Variants in SV2B observed in about 807,000 individuals in gnomAD.
SV2B encodes synaptic vesicle glycoprotein 2B.
SV2B carries 41 observed loss-of-function variants against 73.9 expected under a neutral mutation model. The observed-to-expected ratio is 0.56, with a 90% CI of 0.43 to 0.72. The LOEUF is 0.72. Among genes scored for constraint, SV2B ranks in the 30% least tolerant of loss-of-function variants. The pLI, the probability that SV2B is intolerant of heterozygous loss-of-function variation, is 0.00. For missense variants in SV2B, 764 were observed against 857.8 expected, an observed-to-expected ratio of 0.89 and a Z score of 1.37; for synonymous variants, 314 against 314.2, an observed-to-expected ratio of 1.00 and a Z score of 0.01.
rs1411197360 is a variant in SV2B at position 91,122,017 on chromosome 15, G to A, written c.-392+21654G>A. Among the ~76,000 whole-genome samples, 3 of 151,932 alleles carry A rather than the reference G, an allele frequency of 2.0e-5. No homozygotes were observed. The highest frequency in any genetic ancestry group is 4.8e-5 in the African/African-American group (2 of 41,358). ...TCTCGATCTCCTGACTTCATGATTC[G>A]CCTGCCTTGGCCTCCCAAAGTGCTG... is the stretch of plus-strand genomic sequence containing the variant. On this transcript the variant is annotated intron_variant, in intron 1 of 12. Transcript: ENST00000394232. This position sits in a 1 kb window ranked among gnomAD's most constrained non-coding sequence, Gnocchi z 4.3.
chr15:91,151,387 A>T (rs1232780835), intron 1 of SV2B, among the ~76,000 whole-genome samples: 3 of 152,244 alleles, frequency 2.0e-5, no homozygotes, highest in African/African-American at 7.2e-5. Flanking sequence ...TTTGAAAGAT[A>T]AAGAGTACCT....
intron 9 of SV2B, among the ~76,000 whole-genome samples, chr15:91,269,952 C>T (rs555278649): frequency 2.1e-4 from 32 of 152,150 alleles, no homozygotes; most frequent in Non-Finnish European, 4.3e-4. Flanking sequence ...AGTGACCACT[C>T]TAGGGATGGC....
chr15:91,221,898 C>A (rs2046232086), intron 1 of SV2B, among the ~76,000 whole-genome samples: 1 of 152,144 alleles, frequency 6.6e-6, no homozygotes, highest in Non-Finnish European at 1.5e-5. Flanking sequence ...AAATTTCAAA[C>A]CCTGAGCAGG....
chr15:91,209,767 A>C (rs1298146013), intron 1 of SV2B, among the ~76,000 whole-genome samples: 1 of 152,206 alleles, frequency 6.6e-6, no homozygotes, highest in Non-Finnish European at 1.5e-5. Context: ...GGTCTTTGAA[A>C]GAATTAAATG....
At chr15:91,205,754 A>G (rs945970383) in intron 1 of SV2B, among the ~76,000 whole-genome samples, 1 of 152,194 alleles carries the variant, frequency 6.6e-6, no homozygotes. Flanking sequence ...ATTGCTTAAC[A>G]TTTTATTGCA....
At chr15:91,131,973 CAAAT>C (rs1443429632) in intron 1 of SV2B, among the ~76,000 whole-genome samples, 2 of 152,058 alleles carry the variant, frequency 1.3e-5, no homozygotes, top group Non-Finnish European at 2.9e-5. Context: ...AAAAAACAAA[CAAAT>C]AAACAAACAA....
At position 91,301,456 on chromosome 15, in the gene SV2B, A is replaced by T. The variant is rs1278709201; in HGVS notation, c.*8904A>T. 2.0e-5 allele frequency: 3 copies of T among 152,206 alleles called. No individual in the cohort carries two copies. Among genetic ancestry groups the T allele is most frequent in the African/African-American group, 7.2e-5 (3 of 41,448 alleles). The allele number at this position is 152,206 out of a possible 1,614,324, so 9.4% of individuals were successfully genotyped here. A position where few individuals can be genotyped will look rare whatever the true frequency, so the allele number is the denominator to read the frequency against. Reference sequence around the variant, plus strand: ...TATATTAAAATAGTAGTAACAGTTGATCTGGTGATTGGTGAATACAGTTTA... The same window carrying T: ...TATATTAAAATAGTAGTAACAGTTGTTCTGGTGATTGGTGAATACAGTTTA... On this transcript the variant is annotated 3_prime_UTR_variant, in exon 13 of 13. Transcript: ENST00000394232. This position sits in a 1 kb window ranked among gnomAD's most constrained non-coding sequence, Gnocchi z 4.3.
At chr15:91,171,378 T>G (rs902190260) in intron 1 of SV2B, among the ~76,000 whole-genome samples, 7 of 152,232 alleles carry the variant, frequency 4.6e-5, no homozygotes, top group Non-Finnish European at 1.0e-4. Context: ...TAACTATTTC[T>G]GAGCACAAAG....
rs1259813727 is a variant in SV2B at position 91,214,085 on chromosome 15, C to G, written c.-391-11788C>G. Reference sequence around the variant, plus strand: ...TTTGGGAAACACTTAACTTGGAAATCAGTCATATGGGAACAAAATATCAGC... The same window carrying G: ...TTTGGGAAACACTTAACTTGGAAATGAGTCATATGGGAACAAAATATCAGC... On this transcript the variant is annotated intron_variant, in intron 1 of 12. Coordinates refer to ENST00000394232, the MANE Select transcript of SV2B (RefSeq NM_001323032.3). The surrounding 1 kb of genome is among the most constrained non-coding windows in gnomAD (Gnocchi z 4.7). Among the ~76,000 whole-genome samples, 2 of 152,222 alleles carry G rather than the reference C, an allele frequency of 1.3e-5. No homozygotes were observed. Among genetic ancestry groups the G allele is most frequent in the Admixed American group, 1.3e-4 (2 of 15,284 alleles).
chr15:91,258,332 G>A lies in SV2B; in HGVS notation c.785-89G>A. On this transcript the variant is annotated intron_variant, in intron 4 of 12. Transcript: ENST00000394232. The surrounding 1 kb of genome is among the most constrained non-coding windows in gnomAD (Gnocchi z 4.7). ...TCCCCGGGTGACTCTCTTGTGCCCTGAAGTTTGTGAGCCAGGGCTTCAGAG... is the reference window on the plus strand; with the variant it reads ...TCCCCGGGTGACTCTCTTGTGCCCTAAAGTTTGTGAGCCAGGGCTTCAGAG... The A allele has an allele frequency of 7.7e-6, 12 of 1,556,382 alleles. No homozygotes were observed. In the South Asian group the frequency reaches 1.5e-4, roughly 20 times the overall value.
chr15:91,162,362 T>C (rs540945851), intron 1 of SV2B, among the ~76,000 whole-genome samples: 7 of 152,334 alleles, frequency 4.6e-5, no homozygotes, highest in Non-Finnish European at 1.0e-4. Context: ...AAGAGGAATA[T>C]GTTTGAATAT....
chr15:91,243,100 C>A (rs1002455059), intron 2 of SV2B, among the ~76,000 whole-genome samples: 5 of 152,202 alleles, frequency 3.3e-5, no homozygotes, highest in Non-Finnish European at 5.9e-5. Flanking sequence ...TATGAGACCC[C>A]TGGACTATTC....
chr15:91,221,446 C>G (rs1420255231), intron 1 of SV2B, among the ~76,000 whole-genome samples: 1 of 152,020 alleles, frequency 6.6e-6, no homozygotes, highest in Non-Finnish European at 1.5e-5. Context: ...GTGGATCAGC[C>G]TGAAAAAATA....
rs2046299747 is a variant in SV2B, at chr15:91,224,049, A to G, written c.-391-1824A>G. 6.6e-6 allele frequency among the ~76,000 whole-genome samples: 1 copy of G among 152,172 alleles called. No homozygotes were observed. Among genetic ancestry groups the G allele is most frequent in the Admixed American group, 6.5e-5 (1 of 15,284 alleles). On this transcript the variant is annotated intron_variant, in intron 1 of 12. Coordinates refer to ENST00000394232, the MANE Select transcript of SV2B (RefSeq NM_001323032.3). The surrounding 1 kb of genome is among the most constrained non-coding windows in gnomAD (Gnocchi z 4.9). ...TTTCCATCCTCTCAGAAGGAAATGC[A>G]TTGTATTGTCTGAGTCAGATGGGTT...
chr15:91,295,184 C>T lies in SV2B; in HGVS notation c.*2632C>T, dbSNP rs1185871604. ...GTTCTTGATGATGTATTTTATGATG[C>T]CCAGCTTGGAAATAGTTGCTTTCCA... On this transcript the variant is annotated 3_prime_UTR_variant, in exon 13 of 13. Coordinates refer to ENST00000394232, the MANE Select transcript of SV2B (RefSeq NM_001323032.3). 6.6e-6 allele frequency: 1 copy of T among 152,378 alleles called. No homozygotes were observed. The highest frequency in any genetic ancestry group is 2.4e-5 in the African/African-American group (1 of 41,396). 9.4% of individuals were successfully genotyped at this position (152,378 alleles called of 1,614,324 possible). A position where few individuals can be genotyped will look rare whatever the true frequency, so the allele number is the denominator to read the frequency against.
chr15:91,276,316 T>C (rs1448767019), intron 9 of SV2B, among the ~76,000 whole-genome samples: 2 of 152,060 alleles, frequency 1.3e-5, no homozygotes, highest in Non-Finnish European at 2.9e-5. Context: ...TGGGATTTAC[T>C]CTATTGAGGT....
rs578091426 is a variant in SV2B, at chr15:91,224,666, C to G, written c.-391-1207C>G. The stretch of plus-strand genomic sequence containing the variant: ...AGTGACCTGGTCCTAATGCTGTGAC[C>G]TTGATCGCGTTACTAACCCACTCGG... On this transcript the variant is annotated intron_variant, in intron 1 of 12. Coordinates refer to ENST00000394232, the MANE Select transcript of SV2B (RefSeq NM_001323032.3). The surrounding 1 kb of genome is among the most constrained non-coding windows in gnomAD (Gnocchi z 4.9). Among the ~76,000 whole-genome samples the G allele has an allele frequency of 1.3e-5, 2 of 152,200 alleles. No homozygotes were observed. The highest frequency in any genetic ancestry group is 2.9e-5 in the Non-Finnish European group (2 of 68,042).
chr15:91,271,751 G>C (rs1429042981), intron 9 of SV2B, among the ~76,000 whole-genome samples: 1 of 152,124 alleles, frequency 6.6e-6, no homozygotes, highest in East Asian at 1.9e-4. Context: ...CTTGAGTTAT[G>C]CTGCCATCTG....
At chr15:91,210,100 G>A (rs1160819533) in intron 1 of SV2B, among the ~76,000 whole-genome samples, 2 of 151,984 alleles carry the variant, frequency 1.3e-5, no homozygotes, top group African/African-American at 4.8e-5. Context: ...CCCGGGGGCT[G>A]AGTCTATGGC....
Sources: gnomAD v4.1 joint callset for allele counts (sites outside exome capture counted in the v4.1 genomes callset) on GRCh38, gnomAD v4.1.1 for gene constraint, Gnocchi (gnomAD v3.1) non-coding constraint, MANE v1.5 for transcripts, NCBI Gene and HGNC (gene_info 2026-07-23, HGNC 2026-07-21) for gene names.